The following PRKN variants were observed in gnomAD, a reference collection of about 807,000 sequenced individuals.
PRKN encodes the protein parkin RBR E3 ubiquitin protein ligase, also known as E3 ubiquitin-protein ligase parkin.
PRKN carries 56 observed loss-of-function variants against 59.5 expected under a neutral mutation model. The ratio of observed to expected loss-of-function variants is 0.94; its 90% confidence interval spans 0.76 to 1.18. The LOEUF (loss-of-function observed/expected upper bound fraction) is 1.18. Ranked by LOEUF, PRKN falls within the 50% of genes most tolerant of loss-of-function variation. The probability of loss-of-function intolerance (pLI) is 0.00; values close to 1 mark genes in which losing one functional copy is unlikely to be tolerated. For synonymous variants in PRKN, 250 were observed against 222.1 expected (o/e 1.13, Z -1.12); for missense variants, 657 against 596.4 (o/e 1.10, Z -1.06).
rs2115427156 is a variant in PRKN, at chr6:161,549,082, G to A, written c.934-79C>T. 6.6e-7 allele frequency: 1 copy of A among 1,511,598 alleles called. No individual in the cohort carries two copies. The highest frequency in any genetic ancestry group is 9.2e-7 in the Non-Finnish European group (1 of 1,088,524). 93.6% of individuals were successfully genotyped at this position (1,511,598 alleles called of 1,614,324 possible). On this transcript the variant is annotated intron_variant, in intron 8 of 11. Transcript: ENST00000366898. This position sits in a 1 kb window ranked among gnomAD's most constrained non-coding sequence, Gnocchi z 6.0. ...AAAGGGTTAGGAGCTACAGTGCATG[G>A]GATTTCTTGCTTAACCAGTTTCAGT...
intron 5 of PRKN, among the ~76,000 whole-genome samples, chr6:161,978,953 C>T (rs1621456): frequency 0.47 from 70,694 of 151,880 alleles, 16,637 homozygotes; most frequent in Middle Eastern, 0.58. Context: ...TCCTTTACGG[C>T]GGGTAAACTG....
At chr6:162,297,444 AAG>A (rs142648511) in intron 2 of PRKN, among the ~76,000 whole-genome samples, 4,497 of 152,232 alleles carry the variant, frequency 0.03, 90 homozygotes, top group East Asian at 0.072. Flanking sequence ...AGAAGGAAAA[AAG>A]GCACAATTCT....
intron 4 of PRKN, among the ~76,000 whole-genome samples, chr6:162,120,757 T>TTTTA (rs1780879067): frequency 6.6e-6 from 1 of 152,208 alleles, no homozygotes; most frequent in South Asian, 2.1e-4. Flanking sequence ...TTCTAAAATA[T>TTTTA]GACCTTCCTA....
At chr6:162,072,749 G>C (rs959725894) in intron 4 of PRKN, among the ~76,000 whole-genome samples, 2 of 152,210 alleles carry the variant, frequency 1.3e-5, no homozygotes, top group African/African-American at 4.8e-5. Flanking sequence ...TACCAGCCAA[G>C]TCAGGATGGG....
In PRKN at chr6:161,461,889, A is replaced by G. The variant is rs1790240919; in HGVS notation, c.1084-75012T>C. On this transcript the variant is annotated intron_variant, in intron 9 of 11. Coordinates refer to ENST00000366898, the MANE Select transcript of PRKN (RefSeq NM_004562.3). The surrounding 1 kb of genome is among the most constrained non-coding windows in gnomAD (Gnocchi z 5.1). ...TATAGGCAGTCAGAACTGCAGAAAT[A>G]CACGAGAAGGTCTGAGGGAGGGCTT... is the stretch of plus-strand genomic sequence containing the variant. Among the ~76,000 whole-genome samples the G allele has an allele frequency of 6.6e-6, 1 of 152,200 alleles. No homozygotes were observed. The highest frequency in any genetic ancestry group is 2.1e-4 in the South Asian group (1 of 4,832).
At chr6:161,513,916 G>T (rs960417265) in intron 9 of PRKN, among the ~76,000 whole-genome samples, 5 of 152,008 alleles carry the variant, frequency 3.3e-5, no homozygotes, top group African/African-American at 1.2e-4. Context: ...TTCCTGACAG[G>T]GTTGTAGAGA....
chr6:161,425,982 C>G (rs1051804605), intron 9 of PRKN, among the ~76,000 whole-genome samples: 3 of 152,046 alleles, frequency 2.0e-5, no homozygotes, highest in African/African-American at 7.3e-5. Flanking sequence ...CAACACCGAG[C>G]AGGAGTGACA....
At chr6:162,131,114 TC>T (rs1167161263) in intron 4 of PRKN, among the ~76,000 whole-genome samples, 1 of 152,172 alleles carries the variant, frequency 6.6e-6, no homozygotes, top group Non-Finnish European at 1.5e-5. Context: ...ATGAGGCAAT[TC>T]CCACCACCAT....
At chr6:162,155,023 T>C (rs1477104508) in intron 4 of PRKN, among the ~76,000 whole-genome samples, 3 of 149,620 alleles carry the variant, frequency 2.0e-5, no homozygotes, top group Admixed American at 6.7e-5. Context: ...CTGAAGATAA[T>C]TTATGTACTT....
chr6:161,966,442 AC>A, intron 6 of PRKN, among the ~76,000 whole-genome samples: 1 of 152,318 alleles, frequency 6.6e-6, no homozygotes, highest in South Asian at 2.1e-4. Context: ...CCCAAGACAC[AC>A]ATGCTGGCTA....
intron 1 of PRKN, among the ~76,000 whole-genome samples, chr6:162,464,176 C>T (rs373611599): frequency 6.6e-6 from 1 of 152,118 alleles, no homozygotes; most frequent in East Asian, 1.9e-4. Context: ...TACTTTTTCA[C>T]TTAAATTTGC....
intron 2 of PRKN, among the ~76,000 whole-genome samples, chr6:162,279,785 C>T (rs1780804836): frequency 6.6e-6 from 1 of 152,096 alleles, no homozygotes; most frequent in Admixed American, 6.6e-5. Flanking sequence ...TAAAGTCTCC[C>T]ACTATTATTG....
intron 5 of PRKN, among the ~76,000 whole-genome samples, chr6:162,023,908 A>G (rs1783314447): frequency 6.6e-6 from 1 of 152,108 alleles, no homozygotes; most frequent in South Asian, 2.1e-4. Context: ...CTTGTAGTAT[A>G]GTTTGAAATC....
chr6:161,917,145 G>C (rs1026695627), intron 6 of PRKN, among the ~76,000 whole-genome samples: 4 of 151,730 alleles, frequency 2.6e-5, no homozygotes, highest in Non-Finnish European at 5.9e-5. Context: ...TCACTCTGCT[G>C]CTCAGGCTGG....
intron 9 of PRKN, among the ~76,000 whole-genome samples, chr6:161,540,774 T>C (rs1157105491): frequency 1.3e-5 from 2 of 152,226 alleles, no homozygotes; most frequent in Non-Finnish European, 2.9e-5. Context: ...GTTCAAGCAA[T>C]ACATCTTTGC....
chr6:161,426,840 T>G (rs1283554398), intron 9 of PRKN, among the ~76,000 whole-genome samples: 1 of 152,006 alleles, frequency 6.6e-6, no homozygotes, highest in Non-Finnish European at 1.5e-5. Context: ...TGCCTCAGCC[T>G]TCCGAGTAGC....
rs1323564813 is a variant in PRKN at position 161,868,379 on chromosome 6, G to A, written c.735-82471C>T. ...GGATCACTCGAAGCTAGGAGTTCAA[G>A]ACCAGCCTGGCTAACGTGGCAAAAC... On this transcript the variant is annotated intron_variant, in intron 6 of 11. Transcript: ENST00000366898. Among the ~76,000 whole-genome samples, 13 of 151,994 alleles carry A rather than the reference G, an allele frequency of 8.6e-5. No individual in the cohort carries two copies. In the East Asian group the frequency reaches 2.6e-3, roughly 30 times the overall value.
intron 2 of PRKN, among the ~76,000 whole-genome samples, chr6:162,428,993 G>T (rs1315165912): frequency 6.6e-6 from 1 of 152,182 alleles, no homozygotes; most frequent in African/African-American, 2.4e-5. Flanking sequence ...ATATAAGGTA[G>T]TGTCACCAGT....
At chr6:161,504,304 G>GCT (rs1160689626) in intron 9 of PRKN, among the ~76,000 whole-genome samples, 1 of 152,096 alleles carries the variant, frequency 6.6e-6, no homozygotes. Context: ...AGGAAGAGCC[G>GCT]GCAGGGATTG....
Sources: gnomAD v4.1 joint callset for allele counts (sites outside exome capture counted in the v4.1 genomes callset) on GRCh38, gnomAD v4.1.1 for gene constraint, Gnocchi (gnomAD v3.1) non-coding constraint, MANE v1.5 for transcripts, NCBI Gene and HGNC (gene_info 2026-07-23, HGNC 2026-07-21) for gene names.